The following KIF17 variants were observed in gnomAD, a reference collection of about 807,000 sequenced individuals.
KIF17 encodes the protein kinesin-like protein KIF17.
Under a neutral mutation model 96.8 loss-of-function variants are expected in KIF17, and 80 were observed. The observed-to-expected ratio is 0.83, with a 90% CI of 0.69 to 1.00. The LOEUF (loss-of-function observed/expected upper bound fraction) is 1.00, where lower values mean the gene tolerates loss of function less well. Among genes scored for constraint, KIF17 ranks in the 50% least tolerant of loss-of-function variants. The probability of loss-of-function intolerance (pLI) is 0.00; values close to 1 mark genes in which losing one functional copy is unlikely to be tolerated. For synonymous variants in KIF17, 567 were observed against 587.5 expected (o/e 0.97, Z 0.51); for missense variants, 1,280 against 1,372.9 (o/e 0.93, Z 1.07).
intron 11 of KIF17, among the ~76,000 whole-genome samples, chr1:20,681,433 C>T (rs2053828753): frequency 6.6e-6 from 1 of 151,854 alleles, no homozygotes. Context: ...CTCCAGTGAC[C>T]CTCCCATCTC....
At chr1:20,714,306 A>G (rs1288762085) in intron 2 of KIF17, among the ~76,000 whole-genome samples, 20 of 151,402 alleles carry the variant, frequency 1.3e-4, no homozygotes, top group East Asian at 1.9e-4. Context: ...CAGCCTGGAC[A>G]ACAGAGCGAG....
chr1:20,677,160 G>A (rs947720140), intron 11 of KIF17, among the ~76,000 whole-genome samples: 88 of 152,344 alleles, frequency 5.8e-4, no homozygotes, highest in African/African-American at 2.0e-3. Flanking sequence ...GCAGTGAGCT[G>A]TGATCGTGCC....
intron 11 of KIF17, among the ~76,000 whole-genome samples, chr1:20,674,092 C>A (rs964058846): frequency 2.0e-5 from 3 of 151,988 alleles, no homozygotes; most frequent in Non-Finnish European, 4.4e-5. Context: ...CCACGCCTAG[C>A]TAATTTTTTA....
intron 5 of KIF17, among the ~76,000 whole-genome samples, chr1:20,702,456 C>G (rs1038521206): frequency 1.1e-4 from 17 of 152,188 alleles, no homozygotes; most frequent in Admixed American, 4.6e-4. Context: ...CCATTCTTGT[C>G]TTCCCCCTTA....
At position 20,717,392 on chromosome 1, in the gene KIF17, C is replaced by G. The variant is rs1444972301; in HGVS notation, c.231+84G>C. The G allele has an allele frequency of 6.0e-6, 9 of 1,511,874 alleles. No individual in the cohort carries two copies. The Admixed American group carries it at 1.7e-4, about 28-fold the overall frequency. The allele number at this position is 1,511,874 out of a possible 1,614,324, so 93.7% of individuals were successfully genotyped here. A position where few individuals can be genotyped will look rare whatever the true frequency, so the allele number is the denominator to read the frequency against. On this transcript the variant is annotated intron_variant, in intron 1 of 14. Coordinates refer to ENST00000400463, the MANE Select transcript of KIF17 (RefSeq NM_001122819.3). ...GCCCCTCGAGGGCCTTTCCTCCTGGCTGGGGGGCAGCGCAGCCCCCTGGGG... is the reference window on the plus strand; with the variant it reads ...GCCCCTCGAGGGCCTTTCCTCCTGGGTGGGGGGCAGCGCAGCCCCCTGGGG...
In KIF17 at chr1:20,704,329, G is replaced by T. The variant is rs2054300571; in HGVS notation, c.1123+118C>A. The T allele has an allele frequency of 4.8e-6, 4 of 838,456 alleles. No homozygotes were observed. The East Asian group carries it at 1.1e-4, about 22-fold the overall frequency. 51.9% of individuals were successfully genotyped at this position (838,456 alleles called of 1,614,324 possible). On this transcript the variant is annotated intron_variant, in intron 5 of 14. Transcript: ENST00000400463. This position sits in a 1 kb window ranked among gnomAD's most constrained non-coding sequence, Gnocchi z 6.8. ...CCCTGCGCTCACATGGGGCTGAGGGGTGGGAGGATGCTGCTCCCACTGTCT... is the reference window on the plus strand; with the variant it reads ...CCCTGCGCTCACATGGGGCTGAGGGTTGGGAGGATGCTGCTCCCACTGTCT...
At chr1:20,669,670 G>C (rs182653518) in intron 13 of KIF17, among the ~76,000 whole-genome samples, 1 of 149,486 alleles carries the variant, frequency 6.7e-6, no homozygotes, top group African/African-American at 2.4e-5. Flanking sequence ...TCAAGAGATC[G>C]AGACCATCCT....
At chr1:20,702,720 G>C (rs2054258969) in intron 5 of KIF17, among the ~76,000 whole-genome samples, 1 of 152,158 alleles carries the variant, frequency 6.6e-6, no homozygotes, top group Non-Finnish European at 1.5e-5. Flanking sequence ...CCTCTTCCAA[G>C]ACTGCTCAAT....
Position 20,704,475 on chromosome 1 carries a change from T to C in KIF17, c.1095A>G (p.Thr365=), listed in dbSNP as rs778738708. 12 of 1,614,048 alleles carry C rather than the reference T, an allele frequency of 7.4e-6. No individual in the cohort carries two copies. The highest frequency in any genetic ancestry group is 1.0e-5 in the Non-Finnish European group (12 of 1,180,006). The change falls in exon 5 of 15, where the codon ACA becomes ACG. Residue 365 remains threonine, a synonymous_variant. Coordinates refer to ENST00000400463, the MANE Select transcript of KIF17 (RefSeq NM_001122819.3). The surrounding 1 kb of genome is among the most constrained non-coding windows in gnomAD (Gnocchi z 6.8). The part of the protein sequence containing the change: ...EEIKKLKAIL[T]QQMSPSSLSA... ...ACAGGCTGCTGGGGCTCATCTGCTG[T>C]GTCAGGATGGCCTTGAGCTTCTTGA... is the stretch of plus-strand genomic sequence containing the variant.
At chr1:20,673,596 T>C (rs1234897359) in intron 11 of KIF17, among the ~76,000 whole-genome samples, 2 of 150,426 alleles carry the variant, frequency 1.3e-5, no homozygotes, top group East Asian at 3.9e-4. Flanking sequence ...GGTGGCATGA[T>C]CTCAGCTCAC....
chr1:20,679,415 G>A (rs551318559), intron 11 of KIF17, among the ~76,000 whole-genome samples: 1 of 152,328 alleles, frequency 6.6e-6, no homozygotes, highest in Admixed American at 6.5e-5. Context: ...AGGAGGTCAA[G>A]GCTGCAGTGA....
At chr1:20,679,280 G>C (rs1477882212) in intron 11 of KIF17, among the ~76,000 whole-genome samples, 1 of 152,062 alleles carries the variant, frequency 6.6e-6, no homozygotes, top group African/African-American at 2.4e-5. Context: ...AGACCAGCCT[G>C]GGTAACATAG....
intron 11 of KIF17, among the ~76,000 whole-genome samples, chr1:20,680,438 G>A (rs556727390): frequency 6.6e-6 from 1 of 152,306 alleles, no homozygotes; most frequent in East Asian, 1.9e-4. Flanking sequence ...AAGGCCAAGT[G>A]CAGTGGCTCA....
At chr1:20,683,768 C>T (rs762600709) in intron 10 of KIF17, among the ~76,000 whole-genome samples, 85 of 152,358 alleles carry the variant, frequency 5.6e-4, no homozygotes, top group African/African-American at 1.6e-3. Flanking sequence ...CCCCACTCTG[C>T]GGTTCACTCC....
intron 4 of KIF17, among the ~76,000 whole-genome samples, chr1:20,707,037 A>C (rs1231120115): frequency 6.6e-6 from 1 of 152,170 alleles, no homozygotes; most frequent in East Asian, 1.9e-4. Flanking sequence ...TCAAGGCTAC[A>C]ATGAGCTATG....
chr1:20,686,082 G>T lies in KIF17; in HGVS notation c.1983C>A (p.Pro661=). The change falls in exon 9 of 15, where the codon CCC becomes CCA. Residue 661 remains proline, a synonymous_variant. Transcript: ENST00000400463. Reference sequence around the variant, plus strand: ...GGAAGTCATCAGCCGCCTCGGCTTCGGGCCTGGCATCACTGGGCTCCAGCA... The same window carrying T: ...GGAAGTCATCAGCCGCCTCGGCTTCTGGCCTGGCATCACTGGGCTCCAGCA... ...TDLLEPSDAR[P]EAEAADDFPP... is the part of the protein sequence containing the mutation. 2 of 1,564,454 alleles carry T rather than the reference G, an allele frequency of 1.3e-6. No individual in the cohort carries two copies. The highest frequency in any genetic ancestry group is 2.4e-5 in the East Asian group (1 of 42,168).
intron 1 of KIF17, among the ~76,000 whole-genome samples, chr1:20,716,434 C>T (rs973453601): frequency 2.0e-5 from 3 of 152,112 alleles, no homozygotes; most frequent in South Asian, 2.1e-4. Context: ...GGCTATGGGG[C>T]GGGGCACACA....
downstream of KIF17, among the ~76,000 whole-genome samples, chr1:20,663,622 G>A (rs2053474180): frequency 1.3e-5 from 2 of 152,226 alleles, no homozygotes; most frequent in Non-Finnish European, 1.5e-5. Flanking sequence ...CTGGGATAGA[G>A]TGTGCAAGGG....
intron 13 of KIF17, among the ~76,000 whole-genome samples, chr1:20,669,557 A>ATAAT (rs1491393899): frequency 7.2e-6 from 1 of 138,140 alleles, no homozygotes; most frequent in East Asian, 2.0e-4. Flanking sequence ...AATAATAATA[A>ATAAT]TAATAATAAA....
Sources: gnomAD v4.1 joint callset for allele counts (sites outside exome capture counted in the v4.1 genomes callset) on GRCh38, gnomAD v4.1.1 for gene constraint, Gnocchi (gnomAD v3.1) non-coding constraint, MANE v1.5 for transcripts, NCBI Gene and HGNC (gene_info 2026-07-23, HGNC 2026-07-21) for gene names.